The following EML1 variants were observed in gnomAD, a reference collection of about 807,000 sequenced individuals.
The protein encoded by EML1 is echinoderm microtubule-associated protein-like 1.
EML1 carries 27 observed loss-of-function variants against 110.4 expected under a neutral mutation model. The observed-to-expected ratio is 0.24, with a 90% confidence interval of 0.18 to 0.34. EML1 has a LOEUF of 0.34. Among genes scored for constraint, EML1 ranks in the 10% least tolerant of loss-of-function variants. EML1 has a pLI of 1.00. For missense variants in EML1, 741 were observed against 1,030.9 expected (o/e 0.72, Z 3.85); for synonymous variants, 344 against 385.8 (o/e 0.89, Z 1.27).
chr14:99,861,094 A>G (rs2058995956), intron 2 of EML1, among the ~76,000 whole-genome samples: 1 of 152,258 alleles, frequency 6.6e-6, no homozygotes, highest in Admixed American at 6.5e-5. Flanking sequence ...AGTAACTCCA[A>G]AATGGCAACA....
At chr14:99,917,373 C>T (rs528916336) in intron 15 of EML1, among the ~76,000 whole-genome samples, 2 of 152,202 alleles carry the variant, frequency 1.3e-5, no homozygotes, top group East Asian at 3.9e-4. Context: ...AATTCGAGAC[C>T]AGCCTGGGCA....
rs768095510 is a variant in EML1 at position 99,914,551 on chromosome 14, C to G, written c.1621-15C>G. Reference sequence around the variant, plus strand: ...AGTATCTCAGAGCGCTTCTGTTTGTCTTGGTTATTTGTAGGGTCACACTGA... The same window carrying G: ...AGTATCTCAGAGCGCTTCTGTTTGTGTTGGTTATTTGTAGGGTCACACTGA... On this transcript the variant is annotated splice_polypyrimidine_tract_variant and intron_variant, in intron 14 of 21. Transcript: ENST00000262233. 1.3e-6 allele frequency: 2 copies of G among 1,581,158 alleles called. No homozygotes were observed. Among genetic ancestry groups the G allele is most frequent in the Non-Finnish European group, 1.7e-6 (2 of 1,169,944 alleles).
At position 99,940,306 on chromosome 14, in the gene EML1, G is replaced by A. The variant is rs908792462; in HGVS notation, c.*194G>A. 30 of 657,322 alleles carry A rather than the reference G, an allele frequency of 4.6e-5. No individual in the cohort carries two copies. The Admixed American group carries it at 8.5e-4, about 19-fold the overall frequency. 40.7% of individuals were successfully genotyped at this position (657,322 alleles called of 1,614,324 possible). A position where few individuals can be genotyped will look rare whatever the true frequency, so the allele number is the denominator to read the frequency against. ...CAGCGGTTCCGTGTTCACTTTTGTT[G>A]TACAATATATGACACAGTGCACATT... On this transcript the variant is annotated 3_prime_UTR_variant, in exon 22 of 22. Coordinates refer to ENST00000262233, the MANE Select transcript of EML1 (RefSeq NM_004434.3).
Position 99,936,357 on chromosome 14 carries a change from A to G in EML1, c.2095+23A>G, listed in dbSNP as rs147620230. On this transcript the variant is annotated intron_variant, in intron 19 of 21. Coordinates refer to ENST00000262233, the MANE Select transcript of EML1 (RefSeq NM_004434.3). This position sits in a 1 kb window ranked among gnomAD's most constrained non-coding sequence, Gnocchi z 5.5. ...ACTGTGAGTACCACCCCGGGGTTGT[A>G]TGAAGTCTCGATCTCAGAAAGCGTT... The G allele has an allele frequency of 3.0e-4, 475 of 1,606,658 alleles. 1 individual carries two copies. Among genetic ancestry groups the G allele is most frequent in the Middle Eastern group, 1.5e-3 (7 of 4,786 alleles).
intron 1 of EML1, among the ~76,000 whole-genome samples, chr14:99,808,627 C>T (rs79470631): frequency 0.015 from 2,212 of 152,170 alleles, 47 homozygotes; most frequent in African/African-American, 0.049. Flanking sequence ...AGGCCAACCA[C>T]GGTGTGTATT....
At chr14:99,894,547 A>C in intron 5 of EML1, 82 bp from the exon 6 acceptor site, 1 of 1,431,028 alleles carries the variant, frequency 7.0e-7, no homozygotes, top group South Asian at 1.7e-5. Flanking sequence ...TTTTATACTG[A>C]AAGGCTAGAG....
intron 5 of EML1, among the ~76,000 whole-genome samples, chr14:99,893,925 G>A (rs3783326): frequency 0.56 from 84,423 of 152,036 alleles, 23,834 homozygotes; most frequent in African/African-American, 0.66. Flanking sequence ...TTGATACGTT[G>A]TTGATATTTA....
intron 1 of EML1, among the ~76,000 whole-genome samples, chr14:99,741,276 C>T (rs1566844338): frequency 6.6e-6 from 1 of 152,334 alleles, no homozygotes; most frequent in East Asian, 1.9e-4. Context: ...CCGCCAGTCC[C>T]ACTGCCCTGC....
intron 3 of EML1, among the ~76,000 whole-genome samples, chr14:99,867,928 C>T (rs1414156938): frequency 6.6e-6 from 1 of 152,020 alleles, no homozygotes; most frequent in Non-Finnish European, 1.5e-5. Flanking sequence ...CAGTCTTTTA[C>T]CATTGAGTAT....
At chr14:99,742,506 A>G (rs1329615050) in intron 1 of EML1, among the ~76,000 whole-genome samples, 1 of 152,130 alleles carries the variant, frequency 6.6e-6, no homozygotes, top group Non-Finnish European at 1.5e-5. Flanking sequence ...TGAGGTCCAC[A>G]CAGAAGAGGA....
chr14:99,804,355 G>A (rs1040689528), intron 1 of EML1, among the ~76,000 whole-genome samples: 1 of 152,178 alleles, frequency 6.6e-6, no homozygotes, highest in African/African-American at 2.4e-5. Context: ...GCTTTAAAGA[G>A]TGCTCACCAA....
chr14:99,910,221 T>C (rs970153895), intron 11 of EML1, 21 bp from the exon 12 acceptor site: 5 of 1,526,922 alleles, frequency 3.3e-6, no homozygotes, highest in East Asian at 2.3e-5. Context: ...ATATATATAA[T>C]TTTTTTACTA....
At position 99,757,445 on chromosome 14, in the gene EML1, G is replaced by A. The variant is rs768985377; in HGVS notation, c.28+19585G>A. 2.8e-4 allele frequency among the ~76,000 whole-genome samples: 42 copies of A among 152,140 alleles called. 1 individual carries two copies. Among genetic ancestry groups the A allele is most frequent in the Non-Finnish European group, 2.5e-4 (17 of 68,030 alleles). ...CAAAACTGGCCTTGCATACAGTCGC[G>A]CATACCGCTTGTGCACATCTAGGAG... On this transcript the variant is annotated intron_variant, in intron 1 of 10. Transcript: ENST00000554479.
intron 3 of EML1, chr14:99,874,789 G>A (rs1031819834): frequency 2.2e-5 from 12 of 540,644 alleles, no homozygotes; most frequent in African/African-American, 1.2e-4. Context: ...TTATATCCAC[G>A]TCTATATTTG....
rs1179594495 is a variant in EML1 at position 99,910,267 on chromosome 14, T to A, written c.1265T>A (p.Leu422His). The A allele has an allele frequency of 1.9e-6, 3 of 1,612,552 alleles. No homozygotes were observed. The highest frequency in any genetic ancestry group is 2.5e-6 in the Non-Finnish European group (3 of 1,179,384). ...AAACAAGAAAAGCCAAAGTTTGTCC[T>A]CTGTGTGACTTTCTCTGAAAACGGT... is the stretch of plus-strand genomic sequence containing the variant. ...FEKQEKPKFV[L>H]CVTFSENGDT... Residue 422 changes from leucine (L) to histidine (H), a missense_variant, in exon 12 of 22, where the codon CTC becomes CAC. Physicochemically the swap from Leu to His is moderately conservative, Grantham distance 99. Around this residue, in one of 4 missense-constraint regions of EML1, gnomAD observed 388 missense variants for 605.6 expected, o/e 0.64. Coordinates refer to ENST00000262233, the MANE Select transcript of EML1 (RefSeq NM_004434.3).
chr14:99,783,854 G>A (rs781757201), intron 1 of EML1, among the ~76,000 whole-genome samples: 1 of 152,228 alleles, frequency 6.6e-6, no homozygotes, highest in Non-Finnish European at 1.5e-5. Flanking sequence ...TCTGGGATGA[G>A]TGGTTGCCCT....
At chr14:99,802,727 G>A (rs1464924012) in intron 1 of EML1, among the ~76,000 whole-genome samples, 4 of 152,088 alleles carry the variant, frequency 2.6e-5, no homozygotes, top group Non-Finnish European at 5.9e-5. Flanking sequence ...GTGCTGAGCA[G>A]GCTGTCGGTG....
At chr14:99,913,416 A>G (rs1566934560) in intron 13 of EML1, among the ~76,000 whole-genome samples, 1 of 152,002 alleles carries the variant, frequency 6.6e-6, no homozygotes, top group Admixed American at 6.6e-5. Context: ...GGCTCAAGCA[A>G]TCCACCTACC....
intron 1 of EML1, among the ~76,000 whole-genome samples, chr14:99,838,734 T>G (rs2058579320): frequency 6.6e-6 from 1 of 152,190 alleles, no homozygotes; most frequent in Non-Finnish European, 1.5e-5. Flanking sequence ...GGCCAGGTTT[T>G]AAAGCATAGT....
Sources: gnomAD v4.1 joint callset for allele counts (sites outside exome capture counted in the v4.1 genomes callset) on GRCh38, gnomAD v4.1.1 for gene constraint, gnomAD v4.1.1 regional missense constraint, Gnocchi (gnomAD v3.1) non-coding constraint, MANE v1.5 for transcripts, NCBI Gene and HGNC (gene_info 2026-07-23, HGNC 2026-07-21) for gene names.